The following TRAP1 variants were observed in gnomAD, a reference collection of about 807,000 sequenced individuals.
TRAP1 encodes the protein heat shock protein 75 kDa, mitochondrial.
A neutral mutation model predicts 89.1 loss-of-function variants in TRAP1; 102 were observed. The observed-to-expected ratio is 1.15, with a 90% CI of 0.98 to 1.35. TRAP1 has a LOEUF of 1.35. Among genes scored for constraint, TRAP1 ranks in the 40% most tolerant of loss-of-function variants. The pLI, the probability that TRAP1 is intolerant of heterozygous loss-of-function variation, is 0.00. For synonymous variants in TRAP1, 508 were observed against 388.0 expected, an observed-to-expected ratio of 1.31 and a Z score of -3.64; for missense variants, 1,256 against 945.3, an observed-to-expected ratio of 1.33 and a Z score of -4.31.
chr16:3,689,222 T>A, intron 2 of TRAP1, 85 bp from the exon 3 acceptor site: 1 of 1,185,004 alleles, frequency 8.4e-7, no homozygotes, highest in Non-Finnish European at 1.2e-6. Context: ...CAAAGAAAGC[T>A]TAAGTTTATG....
chr16:3,690,432 C>T (rs1392699752), intron 2 of TRAP1, among the ~76,000 whole-genome samples: 1 of 152,204 alleles, frequency 6.6e-6, no homozygotes, highest in Non-Finnish European at 1.5e-5. Flanking sequence ...AGAAATGGAG[C>T]CACTTCAGGA....
chr16:3,709,629 C>A (rs2051499787), intron 1 of TRAP1, among the ~76,000 whole-genome samples: 1 of 150,968 alleles, frequency 6.6e-6, no homozygotes, highest in Non-Finnish European at 1.5e-5. Flanking sequence ...GGTTCCTTCC[C>A]AGTTTACCTT....
chr16:3,673,718 G>A (rs2050947324), intron 9 of TRAP1, among the ~76,000 whole-genome samples: 1 of 152,194 alleles, frequency 6.6e-6, no homozygotes, highest in Non-Finnish European at 1.5e-5. Context: ...GAGTTTCCAG[G>A]CAGCCAAGGA....
chr16:3,667,028 C>T (rs934586352), intron 11 of TRAP1, among the ~76,000 whole-genome samples: 2 of 152,222 alleles, frequency 1.3e-5, no homozygotes, highest in Non-Finnish European at 2.9e-5. Flanking sequence ...CCCAGTGACT[C>T]AGTCCTTCAG....
chr16:3,669,595 G>A (rs1257960455), intron 11 of TRAP1, among the ~76,000 whole-genome samples: 1 of 152,024 alleles, frequency 6.6e-6, no homozygotes, highest in Non-Finnish European at 1.5e-5. Context: ...AGAACTTTGG[G>A]AGGCCGAGGC....
intron 1 of TRAP1, among the ~76,000 whole-genome samples, chr16:3,705,333 T>C (rs2051427195): frequency 1.3e-5 from 2 of 152,176 alleles, no homozygotes; most frequent in South Asian, 4.1e-4. Context: ...CCTCCCAAAG[T>C]GCTGGGATTA....
chr16:3,662,223 A>T, intron 15 of TRAP1, 91 bp from the exon 16 acceptor site: 1 of 1,488,000 alleles, frequency 6.7e-7, no homozygotes, highest in Non-Finnish European at 9.1e-7. Flanking sequence ...CACCCAGACC[A>T]CGAGGTAGCA....
intron 1 of TRAP1, among the ~76,000 whole-genome samples, chr16:3,700,425 C>A (rs1180696127): frequency 6.6e-6 from 1 of 151,622 alleles, no homozygotes. Context: ...CATCGGCCTC[C>A]CAAAGTGCTA....
intron 1 of TRAP1, among the ~76,000 whole-genome samples, chr16:3,698,692 A>G (rs1459896752): frequency 3.9e-5 from 6 of 151,946 alleles, no homozygotes; most frequent in Non-Finnish European, 8.8e-5. Context: ...GGGTCGCTTC[A>G]GCTCAGGAGT....
chr16:3,686,041 C>G lies in TRAP1; in HGVS notation c.426G>C (p.Glu142Asp). 2 of 1,614,134 alleles carry G rather than the reference C, an allele frequency of 1.2e-6. No homozygotes were observed. The highest frequency in any genetic ancestry group is 1.1e-5 in the South Asian group (1 of 91,070). The change falls in exon 4 of 18, where the codon GAG (glutamate) becomes GAC (aspartate). Residue 142 changes from glutamate (E) to aspartate (D), a missense_variant. Transcript: ENST00000246957. ...TCTCGGCATTGGTCTGCAAGTGAAT[C>G]TCCATTTCTGGCAGTGCTTGGCCGT... Reference protein sequence around the residue: ...VSDGQALPEMEIHLQTNAEKG... With the variant: ...VSDGQALPEMDIHLQTNAEKG...
intron 4 of TRAP1, among the ~76,000 whole-genome samples, chr16:3,682,185 C>A (rs899316388): frequency 6.6e-6 from 1 of 152,128 alleles, no homozygotes; most frequent in Non-Finnish European, 1.5e-5. Context: ...CCCTACCTCA[C>A]ACCATACACA....
intron 16 of TRAP1, chr16:3,659,806 A>C (rs934865103): frequency 6.6e-6 from 1 of 151,976 alleles, no homozygotes; most frequent in Non-Finnish European, 1.5e-5. Context: ...CCCAAGCTAG[A>C]GTGAAATGGC....
chr16:3,692,992 C>T (rs971151406), intron 1 of TRAP1, among the ~76,000 whole-genome samples: 3 of 150,772 alleles, frequency 2.0e-5, no homozygotes, highest in African/African-American at 7.3e-5. Flanking sequence ...GAGTCTCGCT[C>T]TGTCGCCCAG....
At chr16:3,680,054 A>AC (rs2051054583) in intron 4 of TRAP1, 1 of 360,148 alleles carries the variant, frequency 2.8e-6, no homozygotes, top group African/African-American at 2.0e-5. Flanking sequence ...ACATGGTAAA[A>AC]CCCCATCTCT....
intron 1 of TRAP1, among the ~76,000 whole-genome samples, chr16:3,711,822 T>C (rs190505628): frequency 2.0e-5 from 3 of 152,260 alleles, no homozygotes; most frequent in South Asian, 2.1e-4. Flanking sequence ...TAAGAGCAGC[T>C]TCCTAGTAGA....
intron 1 of TRAP1, 117 bp downstream of exon 1, chr16:3,717,304 C>G (rs1005120689): frequency 1.3e-5 from 5 of 380,078 alleles, no homozygotes; most frequent in African/African-American, 2.1e-5. Flanking sequence ...TTGGCCTCGC[C>G]GGACCTCCCA....
At chr16:3,671,890 A>T (rs1309891805) in intron 10 of TRAP1, 99 bp from the exon 11 acceptor site, 1 of 1,274,394 alleles carries the variant, frequency 7.8e-7, no homozygotes, top group Non-Finnish European at 1.1e-6. Context: ...CTGGCCTTCA[A>T]CCCAGCACGT....
At chr16:3,683,361 T>C (rs2051097700) in intron 4 of TRAP1, among the ~76,000 whole-genome samples, 1 of 151,798 alleles carries the variant, frequency 6.6e-6, no homozygotes, top group Admixed American at 6.6e-5. Flanking sequence ...GTTGATTAAC[T>C]GTAACCAATG....
intron 15 of TRAP1, 80 bp downstream of exon 15, chr16:3,662,802 C>T (rs1438955926): frequency 2.9e-6 from 4 of 1,391,160 alleles, no homozygotes; most frequent in African/African-American, 2.8e-5. Flanking sequence ...CCCAACGGGC[C>T]AGGTACTGGG....
Sources: gnomAD v4.1 joint callset for allele counts (sites outside exome capture counted in the v4.1 genomes callset) on GRCh38, gnomAD v4.1.1 for gene constraint, MANE v1.5 for transcripts, NCBI Gene and HGNC (gene_info 2026-07-23, HGNC 2026-07-21) for gene names.